The following FIP1L1 variants were observed in gnomAD, a reference collection of about 807,000 sequenced individuals.
FIP1L1 encodes pre-mRNA 3'-end-processing factor FIP1.
In FIP1L1, 21 loss-of-function variants were observed where a neutral mutation model predicts 84.6. The ratio of observed to expected loss-of-function variants is 0.25; its 90% CI spans 0.18 to 0.36. The LOEUF (loss-of-function observed/expected upper bound fraction) is 0.36. Among genes scored for constraint, FIP1L1 ranks in the 10% least tolerant of loss-of-function variants. The pLI is 1.00. For synonymous variants in FIP1L1, 263 were observed against 242.3 expected (o/e 1.09, Z -0.80); for missense variants, 526 against 751.1 (o/e 0.70, Z 3.50).
At chr4:53,452,864 C>A in intron 15 of FIP1L1, 56 bp from the exon 16 acceptor site, 1 of 1,303,144 alleles carries the variant, frequency 7.7e-7, no homozygotes, top group Non-Finnish European at 1.1e-6. Context: ...TTTTGGTGGG[C>A]ATTTTGTTTT....
At chr4:53,417,822 G>T (rs1423407130) in intron 11 of FIP1L1, among the ~76,000 whole-genome samples, 3 of 70,390 alleles carry the variant, frequency 4.3e-5, no homozygotes, top group African/African-American at 1.1e-4. Context: ...CTCTCTCTCA[G>T]GCTACTTTTT....
chr4:53,442,805 C>A, intron 14 of FIP1L1, 98 bp downstream of exon 14: 1 of 654,296 alleles, frequency 1.5e-6, no homozygotes, highest in Non-Finnish European at 2.6e-6. Context: ...TTTATAAACA[C>A]AGCACCTGTC....
At chr4:53,403,815 G>A (rs1272991323) in intron 10 of FIP1L1, among the ~76,000 whole-genome samples, 1 of 152,050 alleles carries the variant, frequency 6.6e-6, no homozygotes, top group Non-Finnish European at 1.5e-5. Context: ...GCATCTCATC[G>A]ATTTGCTGAG....
chr4:53,405,185 A>C (rs1412071034), intron 10 of FIP1L1, among the ~76,000 whole-genome samples: 32 of 150,018 alleles, frequency 2.1e-4, no homozygotes, highest in South Asian at 8.5e-4. Context: ...TAATTTTTGT[A>C]TAAGGTGTAA....
intron 15 of FIP1L1, among the ~76,000 whole-genome samples, chr4:53,448,263 G>A (rs1032297353): frequency 5.9e-5 from 9 of 151,836 alleles, no homozygotes; most frequent in African/African-American, 2.2e-4. Context: ...TACGATTGTC[G>A]TCTCTGTCAT....
intron 11 of FIP1L1, among the ~76,000 whole-genome samples, chr4:53,416,474 T>C (rs995284869): frequency 6.6e-6 from 1 of 152,194 alleles, no homozygotes; most frequent in Admixed American, 6.5e-5. Flanking sequence ...GGAAAGCCTC[T>C]TCAAACCTGA....
intron 5 of FIP1L1, among the ~76,000 whole-genome samples, chr4:53,387,330 T>C (rs1741633924): frequency 6.6e-6 from 1 of 152,134 alleles, no homozygotes; most frequent in African/African-American, 2.4e-5. Context: ...CATGGGTAAC[T>C]GGTTGGTTGT....
intron 10 of FIP1L1, among the ~76,000 whole-genome samples, chr4:53,408,943 TC>T (rs57489133): frequency 0.56 from 84,382 of 152,026 alleles, 25,268 homozygotes; most frequent in Non-Finnish European, 0.67. Context: ...GGTTTGAATT[TC>T]CTCCCGTAGC....
At chr4:53,445,759 G>A (rs1208856469) in intron 15 of FIP1L1, among the ~76,000 whole-genome samples, 3 of 152,144 alleles carry the variant, frequency 2.0e-5, no homozygotes, top group African/African-American at 7.2e-5. Flanking sequence ...AGAGGAGGAA[G>A]GACACCTTTG....
In FIP1L1 at chr4:53,459,487, G is replaced by T. The variant is rs1196519000; in HGVS notation, c.*38G>T. 1.9e-6 allele frequency: 3 copies of T among 1,612,370 alleles called. No individual in the cohort carries two copies. Among genetic ancestry groups the T allele is most frequent in the Non-Finnish European group, 2.5e-6 (3 of 1,178,738 alleles). On this transcript the variant is annotated 3_prime_UTR_variant, in exon 18 of 18. Coordinates refer to ENST00000337488, the MANE Select transcript of FIP1L1 (RefSeq NM_030917.4). ...CCTTTTGTGTATATTAGTACCAGAA[G>T]TAGATACTATAAATCTTGTTATTTT...
chr4:53,389,910 TA>T (rs1560493260), intron 6 of FIP1L1, 37 bp downstream of exon 6: 1 of 1,485,678 alleles, frequency 6.7e-7, no homozygotes. Flanking sequence ...AATAGGGAAA[TA>T]AGGCACATAT....
chr4:53,422,934 T>G (rs1247026581), intron 11 of FIP1L1, among the ~76,000 whole-genome samples: 1 of 152,162 alleles, frequency 6.6e-6, no homozygotes, highest in African/African-American at 2.4e-5. Flanking sequence ...CAGGCTGGTC[T>G]TGAATTCCTG....
At chr4:53,458,881 A>G in intron 17 of FIP1L1, 91 bp downstream of exon 17, 3 of 1,416,514 alleles carry the variant, frequency 2.1e-6, no homozygotes, top group Non-Finnish European at 9.5e-7. Flanking sequence ...ATTTTGGCCT[A>G]TGAACCAGTC....
intron 9 of FIP1L1, among the ~76,000 whole-genome samples, chr4:53,393,762 C>T (rs538558603): frequency 1.6e-3 from 34 of 21,252 alleles, no homozygotes; most frequent in African/African-American, 4.1e-3. Flanking sequence ...ATTTTCCCCC[C>T]GGCCCCCCCC....
chr4:53,436,285 T>C (rs1769161859), intron 13 of FIP1L1, among the ~76,000 whole-genome samples: 1 of 152,218 alleles, frequency 6.6e-6, no homozygotes, highest in Non-Finnish European at 1.5e-5. Context: ...TTAAGGTCTC[T>C]CTCAGACCTC....
chr4:53,379,312 A>G (rs1219561442), intron 3 of FIP1L1, 48 bp downstream of exon 3: 1 of 1,434,828 alleles, frequency 7.0e-7, no homozygotes, highest in Non-Finnish European at 9.4e-7. Context: ...TGTGTGAAAC[A>G]ATGGTTCTGT....
chr4:53,405,821 G>A (rs563388104), intron 10 of FIP1L1, among the ~76,000 whole-genome samples: 73 of 151,354 alleles, frequency 4.8e-4, no homozygotes, highest in African/African-American at 1.6e-3. Flanking sequence ...TCTGTTATTG[G>A]TGTATAAGAA....
chr4:53,411,945 A>G (rs1027642779), intron 10 of FIP1L1, among the ~76,000 whole-genome samples: 1 of 152,144 alleles, frequency 6.6e-6, no homozygotes, highest in Admixed American at 6.6e-5. Context: ...AGCTAAACAT[A>G]CTTTTGTAAA....
intron 11 of FIP1L1, among the ~76,000 whole-genome samples, chr4:53,418,597 A>C (rs1578659219): frequency 6.6e-6 from 1 of 152,208 alleles, no homozygotes; most frequent in Non-Finnish European, 1.5e-5. Flanking sequence ...ATTGCTGTAA[A>C]CATATCCTAA....
Sources: allele counts gnomAD v4.1 joint callset (sites outside exome capture counted in the v4.1 genomes callset), GRCh38; gene constraint gnomAD v4.1.1; transcripts MANE v1.5; gene names NCBI Gene and HGNC (gene_info 2026-07-23, HGNC 2026-07-21).